ESCO1: variants seen among roughly 807,000 people sequenced by gnomAD.
ESCO1 encodes N-acetyltransferase ESCO1.
In ESCO1, 33 loss-of-function variants were observed where a neutral mutation model predicts 83.5. The observed-to-expected ratio is 0.40, with a 90% CI of 0.30 to 0.53. ESCO1 has a LOEUF of 0.53. ESCO1 is among the 20% of genes least tolerant of loss of function. ESCO1 has a pLI of 0.63. For synonymous variants in ESCO1, 332 were observed against 324.3 expected (o/e 1.02, Z -0.25); for missense variants, 855 against 968.0 (o/e 0.88, Z 1.55).
intron 4 of ESCO1, 104 bp downstream of exon 4, chr18:21,573,210 C>T: frequency 8.6e-7 from 1 of 1,159,350 alleles, no homozygotes. Context: ...ACTTAAACAA[C>T]TCTTCAATCT....
chr18:21,597,858 A>G (rs2038787774), intron 1 of ESCO1, among the ~76,000 whole-genome samples: 1 of 152,218 alleles, frequency 6.6e-6, no homozygotes. Flanking sequence ...CATAAGATGT[A>G]TATGCCCCTT....
chr18:21,566,593 C>T (rs938454216), intron 5 of ESCO1, among the ~76,000 whole-genome samples: 6 of 152,104 alleles, frequency 3.9e-5, no homozygotes, highest in African/African-American at 1.4e-4. Flanking sequence ...GGCATGGTGG[C>T]CTCACATCTG....
intron 8 of ESCO1, among the ~76,000 whole-genome samples, chr18:21,545,161 C>T (rs2037957087): frequency 6.6e-6 from 1 of 152,160 alleles, no homozygotes; most frequent in Non-Finnish European, 1.5e-5. Flanking sequence ...TCTCAAAGTG[C>T]TGGGCTCAAG....
At chr18:21,553,497 G>A (rs1008811480) in intron 8 of ESCO1, among the ~76,000 whole-genome samples, 1 of 146,400 alleles carries the variant, frequency 6.8e-6, no homozygotes, top group Non-Finnish European at 1.5e-5. Context: ...AAAAGATACT[G>A]TTAAGAGAAT....
Position 21,574,383 on chromosome 18 carries a change from G to A in ESCO1, c.461C>T (p.Pro154Leu). The A allele has an allele frequency of 6.2e-7, 1 of 1,613,772 alleles. No individual in the cohort carries two copies. Among genetic ancestry groups the A allele is most frequent in the Non-Finnish European group, 8.5e-7 (1 of 1,179,954 alleles). Residue 154 changes from proline (P) to leucine (L), a missense_variant, in exon 4 of 12, where the codon CCA (proline) becomes CTA (leucine). Transcript: ENST00000269214. Reference sequence around the variant, plus strand: ...ACTGCTACACTGCTCTTTTTTAGTTGGTGGCAAACTCTGTTTAACTGCTTG... The same window carrying A: ...ACTGCTACACTGCTCTTTTTTAGTTAGTGGCAAACTCTGTTTAACTGCTTG... ...QVQAVKQSLP[P>L]TKKEQCSSTQ...
Position 21,570,975 on chromosome 18 carries a change from CAA to C in ESCO1, c.1530+2337_1530+2338del, listed in dbSNP as rs774263906. ...GGGGTGACAGAGTGAGACTTCATCT[CAA>C]AAAAAAAAAAAAGAGTTGCAGTCTT... On this transcript the variant is annotated intron_variant, in intron 4 of 11. Transcript: ENST00000269214. 4.5e-4 allele frequency among the ~76,000 whole-genome samples: 51 copies of C among 113,492 alleles called. 1 individual carries two copies. The South Asian group carries it at 9.5e-3, about 21-fold the overall frequency. The allele number at this position is 113,492 out of a possible 152,430, so 74.5% of individuals were successfully genotyped here.
intron 9 of ESCO1, 108 bp downstream of exon 9, chr18:21,539,812 C>T: frequency 2.4e-6 from 2 of 847,756 alleles, no homozygotes; most frequent in Admixed American, 4.4e-5. Flanking sequence ...CGTGCCACTG[C>T]ACTCCAGCCT....
At chr18:21,554,183 AT>A (rs1209334806) in intron 8 of ESCO1, among the ~76,000 whole-genome samples, 1 of 152,212 alleles carries the variant, frequency 6.6e-6, no homozygotes, top group Non-Finnish European at 1.5e-5. Flanking sequence ...ACTGTCATTA[AT>A]TGCAGATAGA....
intron 9 of ESCO1, 53 bp from the exon 10 acceptor site, chr18:21,536,238 A>G (rs2037835736): frequency 6.4e-7 from 1 of 1,553,148 alleles, no homozygotes; most frequent in Non-Finnish European, 8.7e-7. Flanking sequence ...ATATACATGT[A>G]AAAACACACT....
In ESCO1 at chr18:21,564,638, C is replaced by T. The variant is rs181535271; in HGVS notation, c.1707-321G>A. On this transcript the variant is annotated intron_variant, in intron 6 of 11. Coordinates refer to ENST00000269214, the MANE Select transcript of ESCO1 (RefSeq NM_052911.3). ...GTCTCGATCTCCTGACCTCGTGATCCGCCTGCCTCAGCCTCCCAAAGTGCT... is the reference window on the plus strand; with the variant it reads ...GTCTCGATCTCCTGACCTCGTGATCTGCCTGCCTCAGCCTCCCAAAGTGCT... Among the ~76,000 whole-genome samples, 648 of 151,892 alleles carry T rather than the reference C, an allele frequency of 4.3e-3. 4 individuals carry two copies. Among genetic ancestry groups the T allele is most frequent in the Middle Eastern group, 0.01 (3 of 294 alleles).
chr18:21,534,261 C>T (rs1434004950), intron 10 of ESCO1, among the ~76,000 whole-genome samples: 1 of 152,178 alleles, frequency 6.6e-6, no homozygotes, highest in African/African-American at 2.4e-5. Flanking sequence ...TCCTACTGCT[C>T]AAGGTCATCG....
chr18:21,566,319 AT>A, intron 5 of ESCO1, 113 bp from the exon 6 acceptor site: 1 of 893,322 alleles, frequency 1.1e-6, no homozygotes, highest in Non-Finnish European at 1.7e-6. Context: ...TAAATGACTT[AT>A]TTTTAATAAA....
chr18:21,536,285 G>C, intron 9 of ESCO1, 100 bp from the exon 10 acceptor site: 1 of 1,330,236 alleles, frequency 7.5e-7, no homozygotes, highest in Non-Finnish European at 1.0e-6. Flanking sequence ...TCCAAGCAGG[G>C]CATCCTCTAA....
chr18:21,544,069 C>T (rs1261878026), intron 8 of ESCO1, among the ~76,000 whole-genome samples: 3 of 151,606 alleles, frequency 2.0e-5, no homozygotes, highest in Admixed American at 6.6e-5. Context: ...GTCAGGAGAT[C>T]GAGACCATCC....
intron 8 of ESCO1, among the ~76,000 whole-genome samples, chr18:21,551,519 G>A (rs2038047856): frequency 6.6e-6 from 1 of 152,208 alleles, no homozygotes; most frequent in Non-Finnish European, 1.5e-5. Flanking sequence ...GACACAAGTA[G>A]CCATTTTTAA....
At chr18:21,586,665 C>G (rs1163536347) in intron 1 of ESCO1, among the ~76,000 whole-genome samples, 1 of 152,144 alleles carries the variant, frequency 6.6e-6, no homozygotes, top group Non-Finnish European at 1.5e-5. Context: ...GGATTTCCTA[C>G]AGGTAAGATC....
rs1477887261 is a variant in ESCO1, at chr18:21,574,175, T to A, written c.669A>T (p.Gly223=). The A allele has an allele frequency of 6.2e-7, 1 of 1,613,940 alleles. No individual in the cohort carries two copies. The highest frequency in any genetic ancestry group is 8.5e-7 in the Non-Finnish European group (1 of 1,179,996). ...ACACSSQCTQ[G]SEKCPQKTTR... is the part of the protein sequence containing the mutation. The stretch of plus-strand genomic sequence containing the variant: ...TAGTCTTCTGAGGACACTTTTCAGA[T>A]CCTTGCGTGCATTGAGAACTACAAG... Residue 223 remains glycine (G), a synonymous_variant, in exon 4 of 12, where the codon GGA becomes GGT. Coordinates refer to ENST00000269214, the MANE Select transcript of ESCO1 (RefSeq NM_052911.3).
At chr18:21,539,043 A>C (rs1395123948) in intron 9 of ESCO1, among the ~76,000 whole-genome samples, 1 of 151,974 alleles carries the variant, frequency 6.6e-6, no homozygotes, top group Non-Finnish European at 1.5e-5. Flanking sequence ...ATGGAACTCT[A>C]AGTTAGACTA....
intron 1 of ESCO1, among the ~76,000 whole-genome samples, chr18:21,599,772 G>C (rs1187026707): frequency 6.6e-6 from 1 of 152,080 alleles, no homozygotes; most frequent in Non-Finnish European, 1.5e-5. Flanking sequence ...AGCACACGCC[G>C]GATTTTCGGA....
Sources: allele counts gnomAD v4.1 joint callset (sites outside exome capture counted in the v4.1 genomes callset), GRCh38; gene constraint gnomAD v4.1.1; transcripts MANE v1.5; gene names NCBI Gene and HGNC (gene_info 2026-07-23, HGNC 2026-07-21).